Variants in ST6GALNAC5 observed in about 807,000 individuals in gnomAD.
The protein encoded by ST6GALNAC5 is alpha-N-acetylgalactosaminide alpha-2,6-sialyltransferase 5.
Under a neutral mutation model 33.6 loss-of-function variants are expected in ST6GALNAC5, and 27 were observed. That is an observed-to-expected ratio of 0.80 (90% CI 0.59 to 1.11). The LOEUF (loss-of-function observed/expected upper bound fraction) is 1.11, where lower values mean the gene tolerates loss of function less well. Ranked by LOEUF, ST6GALNAC5 falls within the 50% of genes least tolerant of loss-of-function variation. The probability of loss-of-function intolerance (pLI) is 0.00; values close to 1 mark genes in which losing one functional copy is unlikely to be tolerated. For missense variants in ST6GALNAC5, 428 were observed against 454.0 expected (o/e 0.94, Z 0.52); for synonymous variants, 194 against 171.2 (o/e 1.13, Z -1.04).
In ST6GALNAC5 at chr1:77,066,361, T is replaced by C. The variant is rs1311897220; in HGVS notation, c.*3155T>C. ...GGTTACTACCAGATTTGTGTATCCT[T>C]TGTTTTCTGAAGTTCTCTCCATTAC... On this transcript the variant is annotated 3_prime_UTR_variant, in exon 5 of 5. Coordinates refer to ENST00000477717, the MANE Select transcript of ST6GALNAC5 (RefSeq NM_030965.3). Among the ~76,000 whole-genome samples the C allele has an allele frequency of 6.6e-6, 1 of 152,202 alleles. No individual in the cohort carries two copies. Among genetic ancestry groups the C allele is most frequent in the Non-Finnish European group, 1.5e-5 (1 of 68,030 alleles).
Position 77,043,490 on chromosome 1 carries a change from G to A in ST6GALNAC5, c.262-714G>A, listed in dbSNP as rs564076018. Among the ~76,000 whole-genome samples the A allele has an allele frequency of 5.9e-5, 9 of 152,256 alleles. 1 individual carries two copies. The South Asian group carries it at 1.2e-3, about 21-fold the overall frequency. The stretch of plus-strand genomic sequence containing the variant: ...TGGGGTCTGTGGCTCTGAGCTTGAC[G>A]CTTTCTTTATGTTTATGAAAATGGG... On this transcript the variant is annotated intron_variant, in intron 2 of 4. Transcript: ENST00000477717.
chr1:77,001,851 T>C (rs745556804), intron 2 of ST6GALNAC5, among the ~76,000 whole-genome samples: 6 of 151,998 alleles, frequency 3.9e-5, no homozygotes, highest in South Asian at 4.2e-4. Context: ...CACTTGATCA[T>C]GGTGGATAAG....
chr1:77,053,057 A>T (rs909709737), intron 4 of ST6GALNAC5, among the ~76,000 whole-genome samples: 3 of 152,204 alleles, frequency 2.0e-5, no homozygotes, highest in Admixed American at 1.3e-4. Flanking sequence ...GACTATAAAA[A>T]GATGCAGCTT....
chr1:77,058,036 C>T (rs558888238), intron 4 of ST6GALNAC5, among the ~76,000 whole-genome samples: 3 of 152,308 alleles, frequency 2.0e-5, no homozygotes, highest in Admixed American at 6.5e-5. Flanking sequence ...CGGAGGAAAG[C>T]GGCAAGGACA....
chr1:77,038,463 G>A (rs1651729083), intron 2 of ST6GALNAC5, among the ~76,000 whole-genome samples: 1 of 152,218 alleles, frequency 6.6e-6, no homozygotes, highest in African/African-American at 2.4e-5. Flanking sequence ...CAGACTAACA[G>A]GCAGCTCCCA....
chr1:76,918,485 C>A (rs760246921), intron 2 of ST6GALNAC5, among the ~76,000 whole-genome samples: 2 of 151,622 alleles, frequency 1.3e-5, no homozygotes, highest in Non-Finnish European at 2.9e-5. Flanking sequence ...GGGCATGGTG[C>A]CACATGCCTG....
intron 2 of ST6GALNAC5, among the ~76,000 whole-genome samples, chr1:76,962,793 A>G (rs539308222): frequency 2.0e-5 from 3 of 152,320 alleles, no homozygotes; most frequent in Non-Finnish European, 2.9e-5. Context: ...CATTTTAATC[A>G]GATTTTTTCA....
At chr1:76,918,693 G>A (rs540874971) in intron 2 of ST6GALNAC5, among the ~76,000 whole-genome samples, 13 of 151,014 alleles carry the variant, frequency 8.6e-5, no homozygotes, top group Non-Finnish European at 1.8e-4. Context: ...CCTTCTCACT[G>A]CTTTGGAGTT....
At chr1:76,996,183 G>A (rs1156687178) in intron 2 of ST6GALNAC5, among the ~76,000 whole-genome samples, 2 of 152,138 alleles carry the variant, frequency 1.3e-5, no homozygotes, top group Non-Finnish European at 2.9e-5. Flanking sequence ...ACTAGGTCTT[G>A]AACCCCTGTC....
intron 2 of ST6GALNAC5, among the ~76,000 whole-genome samples, chr1:76,969,879 C>T (rs1156633414): frequency 6.6e-6 from 1 of 152,134 alleles, no homozygotes; most frequent in Non-Finnish European, 1.5e-5. Flanking sequence ...TGCTGTTCTG[C>T]AGCCTCTGCT....
chr1:76,892,522 C>T (rs1334514290), intron 2 of ST6GALNAC5, among the ~76,000 whole-genome samples: 1 of 152,158 alleles, frequency 6.6e-6, no homozygotes, highest in African/African-American at 2.4e-5. Context: ...AAAGCACTGT[C>T]CCAAACTTTC....
At position 77,030,975 on chromosome 1, in the gene ST6GALNAC5, GTTTCCATTACATAAA is replaced by G. The variant is rs1651429932; in HGVS notation, c.262-13228_262-13214del. 3.9e-5 allele frequency among the ~76,000 whole-genome samples: 6 copies of G among 152,274 alleles called. No individual in the cohort carries two copies. The South Asian group carries it at 1.2e-3, about 32-fold the overall frequency. On this transcript the variant is annotated intron_variant, in intron 2 of 4. Coordinates refer to ENST00000477717, the MANE Select transcript of ST6GALNAC5 (RefSeq NM_030965.3). ...TTGTGTCTGGGCAGTCTGCCTAAGA[GTTTCCATTACATAAA>G]CAGTAGGTGCTTAATAACTTGCATT...
chr1:77,062,834 AT>A (rs1436357914), intron 4 of ST6GALNAC5, 140 bp from the exon 5 acceptor site: 4 of 628,490 alleles, frequency 6.4e-6, no homozygotes, highest in African/African-American at 1.8e-5. Context: ...TTATTGTGTA[AT>A]CAGAAAAACC....
At chr1:77,053,878 T>C (rs1055336117) in intron 4 of ST6GALNAC5, among the ~76,000 whole-genome samples, 1 of 152,174 alleles carries the variant, frequency 6.6e-6, no homozygotes, top group Admixed American at 6.5e-5. Context: ...CTGCTCAAAG[T>C]GTGCCTGGCC....
At chr1:76,900,213 G>C (rs541465167) in intron 2 of ST6GALNAC5, among the ~76,000 whole-genome samples, 1 of 152,138 alleles carries the variant, frequency 6.6e-6, no homozygotes, top group African/African-American at 2.4e-5. Flanking sequence ...TTTGAGCCAG[G>C]ATGAGCCAGG....
rs569212548 is a variant in ST6GALNAC5, at chr1:76,912,713, T to A, written c.261+43971T>A. On this transcript the variant is annotated intron_variant, in intron 2 of 4. Coordinates refer to ENST00000477717, the MANE Select transcript of ST6GALNAC5 (RefSeq NM_030965.3). ...TTGTCTCTTTTGATCTTTGTTGGTT[T>A]AAAGTCTGTTTTATCAGAGACTAGG... is the stretch of plus-strand genomic sequence containing the variant. Among the ~76,000 whole-genome samples the A allele has an allele frequency of 2.0e-5, 3 of 151,758 alleles. No individual in the cohort carries two copies. The South Asian group carries it at 6.2e-4, about 32-fold the overall frequency.
At chr1:76,967,762 A>G (rs938147475) in intron 2 of ST6GALNAC5, among the ~76,000 whole-genome samples, 2 of 152,202 alleles carry the variant, frequency 1.3e-5, no homozygotes, top group Admixed American at 6.6e-5. Flanking sequence ...AATGTGTCCC[A>G]GAGATTCTGG....
chr1:77,032,890 T>G (rs1557768297), intron 2 of ST6GALNAC5, among the ~76,000 whole-genome samples: 2 of 152,210 alleles, frequency 1.3e-5, no homozygotes, highest in Admixed American at 6.5e-5. Context: ...TTTCGAGCCA[T>G]GCTATGTTTA....
At position 76,867,700 on chromosome 1, in the gene ST6GALNAC5, T is replaced by C; in HGVS notation, c.15+10T>C. Reference sequence around the variant, plus strand: ...AATGAAGACCCTGATGGTGAGTCAGTTGTGGCAACTCCACCGGGCAAAGAG... The same window carrying C: ...AATGAAGACCCTGATGGTGAGTCAGCTGTGGCAACTCCACCGGGCAAAGAG... On this transcript the variant is annotated intron_variant, in intron 1 of 4. Transcript: ENST00000477717. 1 of 1,613,950 alleles carries C rather than the reference T, an allele frequency of 6.2e-7. No homozygotes were observed. The highest frequency in any genetic ancestry group is 1.1e-5 in the South Asian group (1 of 91,070).
Sources: allele counts gnomAD v4.1 joint callset (sites outside exome capture counted in the v4.1 genomes callset), GRCh38; gene constraint gnomAD v4.1.1; transcripts MANE v1.5; gene names NCBI Gene and HGNC (gene_info 2026-07-23, HGNC 2026-07-21).